Variants in GCNT1 observed in about 807,000 individuals in gnomAD.
GCNT1 encodes the protein beta-1,3-galactosyl-O-glycosyl-glycoprotein beta-1,6-N-acetylglucosaminyltransferase.
A neutral mutation model predicts 26.2 loss-of-function variants in GCNT1; 16 were observed. The ratio of observed to expected loss-of-function variants is 0.61; its 90% CI spans 0.41 to 0.93. The LOEUF is 0.93. Among genes scored for constraint, GCNT1 ranks in the 40% least tolerant of loss-of-function variants. GCNT1 has a pLI of 0.00. For missense variants in GCNT1, 477 were observed against 526.7 expected (o/e 0.91, Z 0.92); for synonymous variants, 183 against 190.8 (o/e 0.96, Z 0.34).
Position 76,428,285 on chromosome 9 carries a change from AAAAACTT to A in GCNT1, n.38+8403_38+8409del, listed in dbSNP as rs766746604. Among the ~76,000 whole-genome samples, 173 of 142,166 alleles carry A rather than the reference AAAAACTT, an allele frequency of 1.2e-3. 5 individuals are homozygous for A. The highest frequency in any genetic ancestry group is 3.8e-3 in the African/African-American group (148 of 39,296). The allele number at this position is 142,166 out of a possible 152,430, so 93.3% of individuals were successfully genotyped here. ...CGTCTCAAAAAAAAAAAAAAAAAAA[AAAAACTT>A]AAAAAAAAAAAGAGAGAGAGAAATG... On this transcript the variant is annotated intron_variant and non_coding_transcript_variant, in intron 1 of 3. Coordinates refer to the GCNT1 transcript ENST00000488136.
At chr9:76,398,780 A>C in the GCNT1 span, 1 of 1,240,688 alleles carries the variant, frequency 8.1e-7, no homozygotes, top group East Asian at 2.3e-5. Context: ...CTTAGGTGGC[A>C]CCAATCTTGA....
At chr9:76,461,606 G>A (rs2131594741) in intron 2 of GCNT1, among the ~76,000 whole-genome samples, 1 of 149,510 alleles carries the variant, frequency 6.7e-6, no homozygotes, top group East Asian at 2.0e-4. Flanking sequence ...CACACAAAGA[G>A]CCTGGGCATG....
At chr9:76,424,899 G>A (rs1290190946) in intron 1 of GCNT1, among the ~76,000 whole-genome samples, 1 of 152,108 alleles carries the variant, frequency 6.6e-6, no homozygotes, top group Non-Finnish European at 1.5e-5. Context: ...CAGCACTTTG[G>A]GAGGCCAAGG....
chr9:76,423,206 G>A lies in GCNT1; in HGVS notation n.38+3319G>A, dbSNP rs755263503. On this transcript the variant is annotated intron_variant and non_coding_transcript_variant, in intron 1 of 3. Transcript: ENST00000488136. ...CATGTTTTCCTCCTTGGAGGTTGCC[G>A]TGGTTTAAATGTGTCCCCCAAAGTT... Among the ~76,000 whole-genome samples the A allele has an allele frequency of 1.2e-4, 19 of 152,180 alleles. 1 individual carries two copies. The highest frequency in any genetic ancestry group is 2.4e-4 in the African/African-American group (10 of 41,438).
chr9:76,490,734 G>A (rs1018552699), intron 2 of GCNT1, among the ~76,000 whole-genome samples: 1 of 148,586 alleles, frequency 6.7e-6, no homozygotes, highest in African/African-American at 2.5e-5. Flanking sequence ...ACTTGTTTGA[G>A]CAGACCAATT....
chr9:76,396,252 C>T, the GCNT1 span, among the ~76,000 whole-genome samples: 9 of 152,176 alleles, frequency 5.9e-5, no homozygotes, highest in Non-Finnish European at 1.0e-4. Flanking sequence ...CACACTGTCT[C>T]ATGTAATCCT....
At chr9:76,399,173 A>G in the GCNT1 span, 1 of 1,476,462 alleles carries the variant, frequency 6.8e-7, no homozygotes, top group South Asian at 1.1e-5. Flanking sequence ...CTATGTGGAC[A>G]TTGCCATCCC....
upstream of GCNT1, among the ~76,000 whole-genome samples, chr9:76,441,081 A>AAAAAAAAAAT: frequency 6.6e-6 from 1 of 150,394 alleles, no homozygotes. Flanking sequence ...AAACAAAAAA[A>AAAAAAAAAAT]CCTATGCCTA....
chr9:76,455,648 C>T (rs757456432), upstream of GCNT1, among the ~76,000 whole-genome samples: 1 of 152,102 alleles, frequency 6.6e-6, no homozygotes, highest in Non-Finnish European at 1.5e-5. Context: ...GTCACCCAGG[C>T]TGGAGTGCAG....
intron 2 of GCNT1, among the ~76,000 whole-genome samples, chr9:76,478,872 T>G (rs1206883902): frequency 6.6e-6 from 1 of 152,236 alleles, no homozygotes; most frequent in Non-Finnish European, 1.5e-5. Context: ...TCTATTTTTA[T>G]TGTATTTTAA....
chr9:76,484,989 A>T (rs1048698472), intron 2 of GCNT1, among the ~76,000 whole-genome samples: 2 of 151,842 alleles, frequency 1.3e-5, no homozygotes, highest in African/African-American at 4.8e-5. Context: ...GGGTTTCACC[A>T]TGTTGGCCAG....
chr9:76,494,378 T>G (rs1036479921), intron 2 of GCNT1, among the ~76,000 whole-genome samples: 1 of 152,124 alleles, frequency 6.6e-6, no homozygotes, highest in Non-Finnish European at 1.5e-5. Context: ...ATAAAGATGT[T>G]ATGCCCCCAA....
chr9:76,394,297 C>T, the GCNT1 span: 3 of 880,462 alleles, frequency 3.4e-6, no homozygotes, highest in Non-Finnish European at 3.3e-6. Flanking sequence ...GCCGCGGGGG[C>T]GCACCAGTGG....
At chr9:76,465,729 C>T (rs554595542) in intron 2 of GCNT1, among the ~76,000 whole-genome samples, 10 of 152,300 alleles carry the variant, frequency 6.6e-5, no homozygotes, top group South Asian at 2.1e-4. Context: ...CACTGGATAA[C>T]GCTTAATGAC....
chr9:76,398,880 C>T, the GCNT1 span: 13 of 1,529,650 alleles, frequency 8.5e-6, no homozygotes, highest in Non-Finnish European at 1.2e-5. Context: ...CTTCTGCTGG[C>T]AGCTAGTGCT....
intron 3 of GCNT1, among the ~76,000 whole-genome samples, chr9:76,501,534 G>A (rs537129766): frequency 1.3e-5 from 2 of 152,242 alleles, no homozygotes; most frequent in South Asian, 2.1e-4. Context: ...TTGTTTTCTT[G>A]TAGTTTCTGG....
At chr9:76,471,545 A>G (rs549675571) in intron 2 of GCNT1, among the ~76,000 whole-genome samples, 1 of 152,294 alleles carries the variant, frequency 6.6e-6, no homozygotes, top group Admixed American at 6.5e-5. Flanking sequence ...TAGACAGCCC[A>G]CCAATTTTGT....
At chr9:76,486,936 C>A (rs1824595661) in intron 2 of GCNT1, among the ~76,000 whole-genome samples, 2 of 151,836 alleles carry the variant, frequency 1.3e-5, no homozygotes, top group South Asian at 2.1e-4. Context: ...AACAAACAAA[C>A]AAACAAAACT....
At position 76,443,939 on chromosome 9, in the gene GCNT1, AAGG is replaced by A. The variant is rs1564225865; in HGVS notation, c.-290+1626_-290+1628del. The stretch of plus-strand genomic sequence containing the variant: ...AAAGGAAGAAAGGAAGAAAGGAAGG[AAGG>A]AAGGAAGGAAGGAAGGAAGGAAGGA... On this transcript the variant is annotated intron_variant, in intron 1 of 2. Coordinates refer to the GCNT1 transcript ENST00000442371. 6.0e-3 allele frequency among the ~76,000 whole-genome samples: 376 copies of A among 62,572 alleles called. 2 individuals are homozygous for A. Among genetic ancestry groups the A allele is most frequent in the East Asian group, 0.012 (40 of 3,334 alleles). 41.0% of individuals were successfully genotyped at this position (62,572 alleles called of 152,430 possible).
Sources: gnomAD v4.1 joint callset for allele counts (sites outside exome capture counted in the v4.1 genomes callset) on GRCh38, gnomAD v4.1.1 for gene constraint, MANE v1.5 for transcripts, NCBI Gene and HGNC (gene_info 2026-07-23, HGNC 2026-07-21) for gene names.